AK6: variants seen among roughly 807,000 people sequenced by gnomAD.
AK6 encodes adenylate kinase isoenzyme 6.
Under a neutral mutation model 23.7 loss-of-function variants are expected in AK6, and 24 were observed. That is an observed-to-expected ratio of 1.01 (90% confidence interval 0.73 to 1.43). The LOEUF is 1.43. Ranked by LOEUF, AK6 falls within the 40% of genes most tolerant of loss-of-function variation. The pLI is 0.00. For missense variants in AK6, 191 were observed against 199.1 expected (o/e 0.96, Z 0.24); for synonymous variants, 73 against 69.8 (o/e 1.05, Z -0.23).
intron 4 of AK6, among the ~76,000 whole-genome samples, chr5:69,354,921 G>C (rs375148010): frequency 1.3e-5 from 2 of 152,168 alleles, no homozygotes; most frequent in South Asian, 4.1e-4. Flanking sequence ...CACCTCCCAG[G>C]TTCACGTCGT....
At chr5:69,364,924 T>C (rs1762348949) in intron 2 of AK6, 1 of 1,591,154 alleles carries the variant, frequency 6.3e-7, no homozygotes, top group African/African-American at 1.3e-5. Context: ...GTATACATGT[T>C]ACATTCAGCA....
At chr5:69,368,843 G>A (rs1762665128) in intron 1 of AK6, 1 of 152,200 alleles carries the variant, frequency 6.6e-6, no homozygotes, top group Non-Finnish European at 1.5e-5. Flanking sequence ...TGGCTTCAAA[G>A]ACCCACTCCT....
At position 69,368,176 on chromosome 5, in the gene AK6, CTT is replaced by C. The variant is rs4252224; in HGVS notation, c.28+1285_28+1286del. ...GTAAATGTACATATATGTACATACT[CTT>C]TGTTATATAAATACAACACATATTC... On this transcript the variant is annotated intron_variant, in intron 1 of 4. Coordinates refer to ENST00000380822, the MANE Select transcript of AK6 (RefSeq NM_016283.5). 5.5e-3 allele frequency among the ~76,000 whole-genome samples: 833 copies of C among 152,246 alleles called. 7 individuals are homozygous for C. In the East Asian group the frequency reaches 0.062, roughly 11 times the overall value.
intron 2 of AK6, chr5:69,364,623 C>T: frequency 2.4e-6 from 1 of 421,768 alleles, no homozygotes; most frequent in South Asian, 2.8e-5. Flanking sequence ...TAAGGTGACA[C>T]TCTAGTGGTC....
At chr5:69,356,052 T>C (rs921339554) in intron 2 of AK6, 99 bp from the exon 3 acceptor site, 7 of 1,022,672 alleles carry the variant, frequency 6.8e-6, no homozygotes, top group Non-Finnish European at 1.0e-5. Context: ...GTATCATCAA[T>C]TATTCTTTTA....
chr5:69,359,528 A>G (rs1425263718), intron 2 of AK6, among the ~76,000 whole-genome samples: 2 of 152,192 alleles, frequency 1.3e-5, no homozygotes. Context: ...TACAGGTGTG[A>G]GCCACTGCGC....
At chr5:69,365,401 G>A (rs1561220519) in intron 2 of AK6, 2 of 1,614,190 alleles carry the variant, frequency 1.2e-6, no homozygotes, top group Admixed American at 1.7e-5. Flanking sequence ...GGCAACCTAG[G>A]ACCTGAATAT....
intron 4 of AK6, among the ~76,000 whole-genome samples, chr5:69,354,145 C>T (rs971870343): frequency 4.6e-5 from 7 of 152,094 alleles, no homozygotes; most frequent in African/African-American, 1.7e-4. Flanking sequence ...GTTAAAAATA[C>T]TAACTAGCTC....
At position 69,355,496 on chromosome 5, in the gene AK6, C is replaced by T. The variant is rs190432777; in HGVS notation, c.326+153G>A. On this transcript the variant is annotated intron_variant, in intron 4 of 4. Transcript: ENST00000380822. ...CAGTGGACCGAGATCACACCACTGCCCTCCAGCCTGGGTGACAGCGAGACT... is the reference window on the plus strand; with the variant it reads ...CAGTGGACCGAGATCACACCACTGCTCTCCAGCCTGGGTGACAGCGAGACT... The T allele has an allele frequency of 4.4e-3, 3,289 of 748,446 alleles. 12 individuals are homozygous for T. Among genetic ancestry groups the T allele is most frequent in the Admixed American group, 0.018 (543 of 30,752 alleles). The allele number at this position is 748,446 out of a possible 1,614,324, so 46.4% of individuals were successfully genotyped here.
intron 1 of AK6, 193 bp downstream of exon 1, chr5:69,369,270 C>T (rs948717754): frequency 1.1e-5 from 2 of 176,664 alleles, no homozygotes; most frequent in African/African-American, 2.9e-5. Flanking sequence ...ACGGAATTAA[C>T]GTTCCGCGTC....
chr5:69,355,862 C>G, intron 3 of AK6, 33 bp downstream of exon 3: 1 of 1,599,908 alleles, frequency 6.3e-7, no homozygotes, highest in Non-Finnish European at 8.5e-7. Flanking sequence ...TGAAATTCAA[C>G]AAATGCATAC....
At chr5:69,367,399 A>ACTC (rs1193819428) in intron 1 of AK6, among the ~76,000 whole-genome samples, 1 of 150,930 alleles carries the variant, frequency 6.6e-6, no homozygotes, top group East Asian at 2.0e-4. Flanking sequence ...AATCCCAGCT[A>ACTC]CTCAGGAGGC....
At chr5:69,366,193 CTTTG>C (rs1762416719) in intron 2 of AK6, among the ~76,000 whole-genome samples, 1 of 152,152 alleles carries the variant, frequency 6.6e-6, no homozygotes, top group African/African-American at 2.4e-5. Flanking sequence ...AGTACCAAAC[CTTTG>C]TTTGTTCAAC....
rs1394381531 is a variant in AK6 at position 69,361,610 on chromosome 5, T to C, written c.121+4893A>G. Reference sequence around the variant, plus strand: ...CCCTCAGCAACGCCGGACTGATTTTTTTTTTTTTTTGAGACTGAGTCTTGC... The same window carrying C: ...CCCTCAGCAACGCCGGACTGATTTTCTTTTTTTTTTGAGACTGAGTCTTGC... On this transcript the variant is annotated intron_variant, in intron 2 of 4. Transcript: ENST00000380822. 2.6e-5 allele frequency among the ~76,000 whole-genome samples: 4 copies of C among 151,560 alleles called. 1 individual carries two copies. Among genetic ancestry groups the C allele is most frequent in the Non-Finnish European group, 2.9e-5 (2 of 67,860 alleles).
chr5:69,353,928 C>T (rs1023901004), intron 4 of AK6, among the ~76,000 whole-genome samples: 8 of 79,864 alleles, frequency 1.0e-4, no homozygotes, highest in African/African-American at 2.4e-4. Context: ...TGCCACCACA[C>T]TTGGCTAAAT....
intron 2 of AK6, among the ~76,000 whole-genome samples, chr5:69,360,614 T>A (rs971307373): frequency 6.6e-6 from 1 of 151,888 alleles, no homozygotes; most frequent in Non-Finnish European, 1.5e-5. Context: ...ATGGCTGCAA[T>A]GAAATCATGG....
At chr5:69,369,582 C>A, upstream of AK6, 3 of 1,602,804 alleles carry the variant, frequency 1.9e-6, no homozygotes, top group South Asian at 3.3e-5. Context: ...CAAAAGCCCA[C>A]GGCCCCAAAG....
intron 4 of AK6, among the ~76,000 whole-genome samples, chr5:69,354,779 G>A (rs964941922): frequency 9.2e-5 from 14 of 152,174 alleles, no homozygotes; most frequent in African/African-American, 2.9e-4. Context: ...GGGCTTGGCT[G>A]TTTTCCTAGC....
intron 2 of AK6, among the ~76,000 whole-genome samples, chr5:69,363,171 T>C (rs1220197236): frequency 6.6e-6 from 1 of 151,808 alleles, no homozygotes; most frequent in Non-Finnish European, 1.5e-5. Context: ...AAGGATGCAA[T>C]GAGCTATGAT....
Sources: allele counts gnomAD v4.1 joint callset (sites outside exome capture counted in the v4.1 genomes callset), GRCh38; gene constraint gnomAD v4.1.1; transcripts MANE v1.5; gene names NCBI Gene and HGNC (gene_info 2026-07-23, HGNC 2026-07-21).